NUP93: variants seen among roughly 807,000 people sequenced by gnomAD.
NUP93 encodes the protein nucleoporin 93.
A neutral mutation model predicts 107.8 loss-of-function variants in NUP93; 55 were observed. The ratio of observed to expected loss-of-function variants is 0.51; its 90% CI spans 0.41 to 0.64. NUP93 has a LOEUF of 0.64. Among genes scored for constraint, NUP93 ranks in the 30% least tolerant of loss-of-function variants. NUP93 has a pLI of 0.00. For missense variants in NUP93, 937 were observed against 1,044.7 expected (o/e 0.90, Z 1.42); for synonymous variants, 390 against 397.5 (o/e 0.98, Z 0.22).
rs370066706 is a variant in NUP93, at chr16:56,834,447, G to C, written c.1737+5G>C. 1 of 1,613,972 alleles carries C rather than the reference G, an allele frequency of 6.2e-7. No individual in the cohort carries two copies. The highest frequency in any genetic ancestry group is 1.3e-5 in the African/African-American group (1 of 74,936). ...CTTGTGATTGAAAGCCGAGAGGTGA[G>C]TGGGTTTCCTTTTCTCTCCTCCCCA... On this transcript the variant is annotated splice_donor_5th_base_variant and intron_variant, in intron 15 of 21. Transcript: ENST00000308159.
At chr16:56,751,927 C>T (rs1021740466) in intron 2 of NUP93, among the ~76,000 whole-genome samples, 2 of 152,130 alleles carry the variant, frequency 1.3e-5, no homozygotes, top group South Asian at 2.1e-4. Flanking sequence ...TTTATAAAGC[C>T]GTCCCTACCC....
intron 3 of NUP93, among the ~76,000 whole-genome samples, chr16:56,765,068 C>T (rs1962193383): frequency 1.3e-5 from 2 of 152,144 alleles, no homozygotes; most frequent in South Asian, 4.2e-4. Context: ...GCAGAACATC[C>T]CTATCTTCCA....
intron 3 of NUP93, among the ~76,000 whole-genome samples, chr16:56,770,790 G>C (rs147384433): frequency 1.3e-5 from 2 of 152,076 alleles, no homozygotes; most frequent in Non-Finnish European, 2.9e-5. Context: ...TAGGCCGGGC[G>C]CAGTAGCTCA....
At chr16:56,735,338 G>A (rs1230758165) in intron 1 of NUP93, among the ~76,000 whole-genome samples, 4 of 152,236 alleles carry the variant, frequency 2.6e-5, no homozygotes, top group African/African-American at 9.6e-5. Flanking sequence ...TGGAGCTCAG[G>A]GCTGCAGTGG....
chr16:56,746,026 CAT>C (rs1480446321), intron 1 of NUP93, among the ~76,000 whole-genome samples: 2 of 151,930 alleles, frequency 1.3e-5, no homozygotes, highest in African/African-American at 4.8e-5. Flanking sequence ...CTTTTTTAAT[CAT>C]AGAAAAGTTT....
intron 18 of NUP93, among the ~76,000 whole-genome samples, chr16:56,838,471 A>C (rs1389337365): frequency 6.6e-6 from 1 of 152,216 alleles, no homozygotes; most frequent in East Asian, 1.9e-4. Context: ...CAAATCCACT[A>C]TCAGTGCTTG....
intron 11 of NUP93, 131 bp downstream of exon 11, chr16:56,832,138 C>T (rs1337969990): frequency 7.8e-7 from 1 of 1,276,330 alleles, no homozygotes. Flanking sequence ...CGTCTCCTGT[C>T]CCCATTTTTT....
chr16:56,834,112 G>T lies in NUP93; in HGVS notation c.1538-16G>T, dbSNP rs753153438. The T allele has an allele frequency of 6.2e-7, 1 of 1,613,918 alleles. No homozygotes were observed. The highest frequency in any genetic ancestry group is 8.5e-7 in the Non-Finnish European group (1 of 1,179,998). On this transcript the variant is annotated splice_polypyrimidine_tract_variant and intron_variant, in intron 13 of 21. Transcript: ENST00000308159. Reference sequence around the variant, plus strand: ...GGGCAGTGTGGTTGTGACCCATTCTGACCCCCACAATGCAGTCAGCCACGA... The same window carrying T: ...GGGCAGTGTGGTTGTGACCCATTCTTACCCCCACAATGCAGTCAGCCACGA...
intron 3 of NUP93, chr16:56,783,960 G>A (rs1218282741): frequency 1.3e-5 from 11 of 865,970 alleles, no homozygotes; most frequent in African/African-American, 1.1e-4. Context: ...AATGAACGCT[G>A]CAAATATGAA....
chr16:56,846,910 A>G lies in NUP93; in HGVS notation c.*2301A>G, dbSNP rs1249627458. The G allele has an allele frequency of 1.3e-5, 2 of 152,206 alleles. No individual in the cohort carries two copies. The highest frequency in any genetic ancestry group is 2.9e-5 in the Non-Finnish European group (2 of 68,040). 9.4% of individuals were successfully genotyped at this position (152,206 alleles called of 1,614,324 possible). On this transcript the variant is annotated 3_prime_UTR_variant, in exon 22 of 22. Transcript: ENST00000308159. ...GAATCGTGGATTTGCCTTTCCTTGC[A>G]TCCTGCAGTTCTACTTGTCTCAGAG...
Position 56,793,011 on chromosome 16 carries a change from A to G in NUP93, c.298-5465A>G, listed in dbSNP as rs111993014. ...TCTTACCTGTAAAATGGGGCAGGGG[A>G]TGGGGATAGGGGAGAGTGGGATGAT... On this transcript the variant is annotated intron_variant, in intron 3 of 21. Coordinates refer to ENST00000308159, the MANE Select transcript of NUP93 (RefSeq NM_014669.5). 4.1e-3 allele frequency among the ~76,000 whole-genome samples: 626 copies of G among 152,178 alleles called. 5 individuals carry two copies. The highest frequency in any genetic ancestry group is 0.015 in the African/African-American group (603 of 41,524).
At chr16:56,815,764 C>A (rs1160868216) in intron 5 of NUP93, among the ~76,000 whole-genome samples, 2 of 152,136 alleles carry the variant, frequency 1.3e-5, no homozygotes, top group Non-Finnish European at 2.9e-5. Flanking sequence ...ACCATTACCA[C>A]CCCCACTTTA....
intron 10 of NUP93, 87 bp downstream of exon 10, chr16:56,830,772 C>A: frequency 7.9e-7 from 1 of 1,270,850 alleles, no homozygotes. Context: ...TTTCCCTGGA[C>A]GGGCCCAAAA....
At chr16:56,791,029 A>C (rs1442424449) in intron 3 of NUP93, among the ~76,000 whole-genome samples, 1 of 152,104 alleles carries the variant, frequency 6.6e-6, no homozygotes, top group Non-Finnish European at 1.5e-5. Context: ...TTTCCTATTA[A>C]TTTGTATGTA....
At chr16:56,840,750 T>C (rs780319679) in intron 20 of NUP93, among the ~76,000 whole-genome samples, 1 of 152,080 alleles carries the variant, frequency 6.6e-6, no homozygotes, top group Non-Finnish European at 1.5e-5. Context: ...AATCCCAACA[T>C]TTTGGGAGGC....
At chr16:56,740,097 G>A (rs1336935096) in intron 1 of NUP93, among the ~76,000 whole-genome samples, 34 of 125,092 alleles carry the variant, frequency 2.7e-4, no homozygotes, top group South Asian at 8.4e-4. Context: ...CCTCCCTCCC[G>A]GACGGGGCGG....
At position 56,785,325 on chromosome 16, in the gene NUP93, G is replaced by C. The variant is rs553322558; in HGVS notation, c.298-13151G>C. 1.3e-3 allele frequency among the ~76,000 whole-genome samples: 203 copies of C among 152,176 alleles called. 1 individual carries two copies. The highest frequency in any genetic ancestry group is 4.6e-3 in the African/African-American group (189 of 41,502). ...ATAAGGCTAGGTGTTAAGTACCCTG[G>C]GGGAGGTAGGAGAGACCCAGTTTCT... On this transcript the variant is annotated intron_variant, in intron 3 of 21. Coordinates refer to ENST00000308159, the MANE Select transcript of NUP93 (RefSeq NM_014669.5).
In NUP93 at chr16:56,846,659, G is replaced by C. The variant is rs551736041; in HGVS notation, c.*2050G>C. 1 of 152,178 alleles carries C rather than the reference G, an allele frequency of 6.6e-6. No homozygotes were observed. Among genetic ancestry groups the C allele is most frequent in the Non-Finnish European group, 1.5e-5 (1 of 68,034 alleles). The allele number at this position is 152,178 out of a possible 1,614,324, so 9.4% of individuals were successfully genotyped here. ...CAAGAGGCGGAGGTTGCAGTGAGCC[G>C]AGCTTATGCCACTGCACTCCAGCCT... is the stretch of plus-strand genomic sequence containing the variant. On this transcript the variant is annotated 3_prime_UTR_variant, in exon 22 of 22. Coordinates refer to ENST00000308159, the MANE Select transcript of NUP93 (RefSeq NM_014669.5).
At position 56,821,493 on chromosome 16, in the gene NUP93, T is replaced by C. The variant is rs1963540582; in HGVS notation, c.565-11T>C. ...ATACTTTGCCATTTACTTTGCTTTT[T>C]ATCATTTCAGATTTATATCTATAAT... On this transcript the variant is annotated splice_polypyrimidine_tract_variant and intron_variant, in intron 6 of 21. Coordinates refer to ENST00000308159, the MANE Select transcript of NUP93 (RefSeq NM_014669.5). 1.9e-6 allele frequency: 3 copies of C among 1,578,874 alleles called. No individual in the cohort carries two copies. Among genetic ancestry groups the C allele is most frequent in the Non-Finnish European group, 1.7e-6 (2 of 1,148,438 alleles).
Sources: allele counts gnomAD v4.1 joint callset (sites outside exome capture counted in the v4.1 genomes callset), GRCh38; gene constraint gnomAD v4.1.1; transcripts MANE v1.5; gene names NCBI Gene and HGNC (gene_info 2026-07-23, HGNC 2026-07-21).